LRRN2: variants seen among roughly 807,000 people sequenced by gnomAD.
The protein encoded by LRRN2 is leucine-rich repeat neuronal protein 2.
Under a neutral mutation model 35.7 loss-of-function variants are expected in LRRN2, and 10 were observed. The observed-to-expected ratio is 0.28, with a 90% CI of 0.17 to 0.47. The LOEUF (loss-of-function observed/expected upper bound fraction) is 0.47. Ranked by LOEUF, LRRN2 falls within the 20% of genes least tolerant of loss-of-function variation. The probability of loss-of-function intolerance (pLI) is 0.99; values close to 1 mark genes in which losing one functional copy is unlikely to be tolerated. For synonymous variants in LRRN2, 391 were observed against 409.6 expected, an observed-to-expected ratio of 0.95 and a Z score of 0.55; for missense variants, 731 against 940.3, an observed-to-expected ratio of 0.78 and a Z score of 2.91.
intron 1 of LRRN2, among the ~76,000 whole-genome samples, chr1:204,624,085 T>G (rs1490927839): frequency 6.6e-6 from 1 of 152,164 alleles, no homozygotes; most frequent in Non-Finnish European, 1.5e-5. Flanking sequence ...CAGCACCTGT[T>G]TTACAGGAGC....
intron 1 of LRRN2, among the ~76,000 whole-genome samples, chr1:204,643,791 C>T (rs904791224): frequency 2.6e-5 from 4 of 152,060 alleles, no homozygotes; most frequent in African/African-American, 9.7e-5. Flanking sequence ...AGAGGAAGAT[C>T]AGCCTCAGGA....
chr1:204,630,300 G>A (rs1667651797), intron 1 of LRRN2, among the ~76,000 whole-genome samples: 1 of 143,898 alleles, frequency 6.9e-6, no homozygotes, highest in East Asian at 2.3e-4. Flanking sequence ...GACCCTCAGG[G>A]AAGGGTCGGG....
intron 1 of LRRN2, among the ~76,000 whole-genome samples, chr1:204,676,983 C>T (rs1668837868): frequency 6.6e-6 from 1 of 152,176 alleles, no homozygotes; most frequent in African/African-American, 2.4e-5. Context: ...ATAATATCTA[C>T]TTCACAGCGT....
rs750668314 is a variant in LRRN2 at position 204,620,044 on chromosome 1, T to C, written c.-52A>G. ...TCACAAGAAGAGTCTGGAGTCCTGC[T>C]CTTTGTGTTTTGCAGGGTAAGGGTC... is the stretch of plus-strand genomic sequence containing the variant. On this transcript the variant is annotated 5_prime_UTR_variant, in exon 2 of 2. Transcript: ENST00000367177. 3.2e-6 allele frequency: 5 copies of C among 1,554,410 alleles called. No homozygotes were observed. Among genetic ancestry groups the C allele is most frequent in the Non-Finnish European group, 4.3e-6 (5 of 1,149,660 alleles).
intron 1 of LRRN2, among the ~76,000 whole-genome samples, chr1:204,657,863 G>A (rs1668393617): frequency 6.6e-6 from 1 of 150,984 alleles, no homozygotes; most frequent in South Asian, 2.1e-4. Flanking sequence ...TTTGCTCCCT[G>A]CATAGTATTT....
rs875092 is a variant in LRRN2 at position 204,631,821 on chromosome 1, C to T, written c.-226-11603G>A. Among the ~76,000 whole-genome samples, 370 of 152,094 alleles carry T rather than the reference C, an allele frequency of 2.4e-3. 10 individuals are homozygous for T. In the East Asian group the frequency reaches 0.063, roughly 26 times the overall value. ...GAGTTCCAAGCAGTGAGTGGCTCCC[C>T]GTGGGTCTTGAGAGTGTGGGTGATG... On this transcript the variant is annotated intron_variant, in intron 1 of 1. Transcript: ENST00000367177.
In LRRN2 at chr1:204,618,447, G is replaced by A. The variant is rs892657300; in HGVS notation, c.1546C>T (p.Arg516Cys). 4 of 1,614,142 alleles carry A rather than the reference G, an allele frequency of 2.5e-6. No individual in the cohort carries two copies. The highest frequency in any genetic ancestry group is 2.7e-5 in the African/African-American group (2 of 75,056). The change falls in exon 2 of 2, where the codon CGT (arginine) becomes TGT (cysteine). Residue 516 changes from arginine to cysteine, a missense_variant. Physicochemically the swap from Arg to Cys is radical, Grantham distance 180. Transcript: ENST00000367177. The part of the protein sequence containing the change: ...DTKTVSVVVG[R>C]ALLQPGRDEG... ...TCCCTGCCTGGCTGGAGGAGAGCAC[G>A]GCCCACAACCACACTAACCGTCTTA...
intron 1 of LRRN2, among the ~76,000 whole-genome samples, chr1:204,683,753 A>G (rs1331912108): frequency 1.3e-5 from 2 of 152,110 alleles, no homozygotes; most frequent in Non-Finnish European, 2.9e-5. Flanking sequence ...GACCAGAGAG[A>G]GCCCTCCGCA....
intron 1 of LRRN2, among the ~76,000 whole-genome samples, chr1:204,638,877 C>T (rs989932990): frequency 2.6e-5 from 4 of 152,208 alleles, no homozygotes; most frequent in African/African-American, 9.6e-5. Context: ...ATCTGCCTGG[C>T]TAGTGGGACG....
At chr1:204,631,381 AAC>A (rs1667701282) in intron 1 of LRRN2, among the ~76,000 whole-genome samples, 1 of 143,966 alleles carries the variant, frequency 6.9e-6, no homozygotes, top group Non-Finnish European at 1.5e-5. Flanking sequence ...GCCACAAGGG[AAC>A]TCTTATCCAT....
At chr1:204,632,699 A>T (rs1345446816) in intron 1 of LRRN2, among the ~76,000 whole-genome samples, 2 of 151,284 alleles carry the variant, frequency 1.3e-5, no homozygotes, top group Non-Finnish European at 2.9e-5. Flanking sequence ...TGGGAGGCCG[A>T]GGCGGGCGGA....
chr1:204,678,849 C>T (rs1376002480), intron 1 of LRRN2, among the ~76,000 whole-genome samples: 1 of 152,208 alleles, frequency 6.6e-6, no homozygotes, highest in African/African-American at 2.4e-5. Context: ...CTCTTTAGCA[C>T]TTACCAGCCT....
Position 204,619,096 on chromosome 1 carries a change from G to A in LRRN2, c.897C>T (p.Val299=). 1 of 1,608,732 alleles carries A rather than the reference G, an allele frequency of 6.2e-7. No homozygotes were observed. ...TCACCAGGGCAAACTTGTCGATGGA[G>A]ACCAGCTCCTCCATGTTGTTCAGTC... The part of the protein sequence containing the change: ...ELGLNNMEEL[V]SIDKFALVNL... Residue 299 remains valine (V), a synonymous_variant, in exon 2 of 2, where the codon GTC becomes GTT. Transcript: ENST00000367177.
At chr1:204,684,158 G>T (rs1441967493) in intron 1 of LRRN2, among the ~76,000 whole-genome samples, 1 of 152,142 alleles carries the variant, frequency 6.6e-6, no homozygotes, top group Non-Finnish European at 1.5e-5. Context: ...CTATGACAGT[G>T]ACCAAACTGG....
chr1:204,640,106 A>G (rs1247434374), intron 1 of LRRN2, among the ~76,000 whole-genome samples: 1 of 152,194 alleles, frequency 6.6e-6, no homozygotes, highest in African/African-American at 2.4e-5. Flanking sequence ...CTTATAAACA[A>G]CAGAAATTTA....
chr1:204,631,258 ATATATATATATATATATATATAT>A lies in LRRN2; in HGVS notation c.-226-11063_-226-11041del, dbSNP rs1558407651. On this transcript the variant is annotated intron_variant, in intron 1 of 1. Coordinates refer to ENST00000367177, the MANE Select transcript of LRRN2 (RefSeq NM_201630.2). ...AGAAGAGTGATACCTAGAGTGTTCTATATATATATATATATATATATATATATATATATATATATATATATGAA... is the reference window on the plus strand; with the variant it reads ...AGAAGAGTGATACCTAGAGTGTTCTAATATATATATATATATATATATGAA... Among the ~76,000 whole-genome samples, 303 of 39,000 alleles carry A rather than the reference ATATATATATATATATATATATAT, an allele frequency of 7.8e-3. 32 individuals are homozygous for A. Among genetic ancestry groups the A allele is most frequent in the Non-Finnish European group, 0.013 (240 of 18,302 alleles). 25.6% of individuals were successfully genotyped at this position (39,000 alleles called of 152,430 possible).
chr1:204,619,975 G>A lies in LRRN2; in HGVS notation c.18C>T (p.Ala6=), dbSNP rs1203068469. Residue 6 remains alanine, a synonymous_variant, in exon 2 of 2, where the codon GCC becomes GCT. Coordinates refer to ENST00000367177, the MANE Select transcript of LRRN2 (RefSeq NM_201630.2). ...CAGCCACCCAAGCTAGCAAGAGTGGGGCCACGAGAAGCCTCATGGTGGAGC... is the reference window on the plus strand; with the variant it reads ...CAGCCACCCAAGCTAGCAAGAGTGGAGCCACGAGAAGCCTCATGGTGGAGC... MRLLV[A]PLLLAWVAGA... The A allele has an allele frequency of 1.2e-6, 2 of 1,610,580 alleles. 1 individual carries two copies. Among genetic ancestry groups the A allele is most frequent in the South Asian group, 2.2e-5 (2 of 90,322 alleles).
chr1:204,658,638 C>G (rs1668408900), intron 1 of LRRN2, among the ~76,000 whole-genome samples: 1 of 152,032 alleles, frequency 6.6e-6, no homozygotes, highest in Non-Finnish European at 1.5e-5. Flanking sequence ...TACTCCATAC[C>G]CTGTCTTCAG....
At chr1:204,631,104 G>A (rs1667679720) in intron 1 of LRRN2, among the ~76,000 whole-genome samples, 1 of 136,792 alleles carries the variant, frequency 7.3e-6, no homozygotes, top group African/African-American at 2.6e-5. Context: ...CTCTGAGGGT[G>A]GGCCCTAGTC....
Sources: allele counts gnomAD v4.1 joint callset (sites outside exome capture counted in the v4.1 genomes callset), GRCh38; gene constraint gnomAD v4.1.1; transcripts MANE v1.5; gene names NCBI Gene and HGNC (gene_info 2026-07-23, HGNC 2026-07-21).